The following PDZD2 variants were observed in gnomAD, a reference collection of about 807,000 sequenced individuals.
PDZD2 encodes the protein PDZ domain-containing protein 2.
Under a neutral mutation model 220.7 loss-of-function variants are expected in PDZD2, and 90 were observed. The ratio of observed to expected loss-of-function variants is 0.41; its 90% CI spans 0.34 to 0.49. The LOEUF (loss-of-function observed/expected upper bound fraction) is 0.49. Among genes scored for constraint, PDZD2 ranks in the 20% least tolerant of loss-of-function variants. PDZD2 has a pLI of 0.28. For synonymous variants in PDZD2, 1,375 were observed against 1,450.5 expected, an observed-to-expected ratio of 0.95 and a Z score of 1.18; for missense variants, 3,174 against 3,608.5, an observed-to-expected ratio of 0.88 and a Z score of 3.08.
At chr5:31,759,006 G>C (rs1041232054) in intron 1 of PDZD2, among the ~76,000 whole-genome samples, 10 of 151,942 alleles carry the variant, frequency 6.6e-5, no homozygotes, top group African/African-American at 2.4e-4. Context: ...ATTTCCAACA[G>C]GTCCTCACAC....
intron 19 of PDZD2, among the ~76,000 whole-genome samples, chr5:32,084,317 G>A (rs1280187509): frequency 6.6e-6 from 1 of 152,198 alleles, no homozygotes; most frequent in Non-Finnish European, 1.5e-5. Context: ...CAGCTTCCTG[G>A]GGCGACCGCT....
At chr5:32,072,058 G>C in intron 16 of PDZD2, 103 bp from the exon 17 acceptor site, 1 of 793,572 alleles carries the variant, frequency 1.3e-6, no homozygotes, top group East Asian at 2.5e-5. Flanking sequence ...TCAAGTGACC[G>C]TTGATTAGAA....
At chr5:31,723,572 G>A (rs1748929359) in intron 1 of PDZD2, among the ~76,000 whole-genome samples, 1 of 152,044 alleles carries the variant, frequency 6.6e-6, no homozygotes, top group Non-Finnish European at 1.5e-5. Context: ...ATCACCTAGA[G>A]TGAGAGTGTT....
chr5:32,057,927 G>A lies in PDZD2; in HGVS notation c.2024G>A (p.Ser675Asn). Residue 675 changes from serine (S) to asparagine (N), a missense_variant, in exon 12 of 25, where the codon AGC (serine) becomes AAC (asparagine). Coordinates refer to ENST00000438447, the MANE Select transcript of PDZD2 (RefSeq NM_178140.4). The stretch of plus-strand genomic sequence containing the variant: ...TTAACGGTACGCACAAAGTTGGTGA[G>A]CCCCAGCCTCACACCCTGCTCGACA... Reference protein sequence around the residue: ...FVLTVRTKLVSPSLTPCSTPT... With the variant: ...FVLTVRTKLVNPSLTPCSTPT... The A allele has an allele frequency of 6.2e-7, 1 of 1,613,764 alleles. No individual in the cohort carries two copies. The highest frequency in any genetic ancestry group is 8.5e-7 in the Non-Finnish European group (1 of 1,179,912).
At chr5:31,724,130 C>A (rs1748969332) in intron 1 of PDZD2, among the ~76,000 whole-genome samples, 1 of 152,216 alleles carries the variant, frequency 6.6e-6, no homozygotes, top group Admixed American at 6.5e-5. Flanking sequence ...TTATGGTCAA[C>A]AATACTCCTT....
intron 1 of PDZD2, among the ~76,000 whole-genome samples, chr5:31,796,906 G>T (rs9292442): frequency 0.62 from 93,305 of 150,718 alleles, 29,932 homozygotes; most frequent in African/African-American, 0.8. Context: ...TATTTACGGG[G>T]TTTTTTTTGT....
At chr5:31,803,241 G>C (rs1009158709) in intron 2 of PDZD2, among the ~76,000 whole-genome samples, 1 of 148,570 alleles carries the variant, frequency 6.7e-6, no homozygotes, top group African/African-American at 2.5e-5. Context: ...GTGTCTGCAG[G>C]TGTGCACCAC....
At position 32,090,360 on chromosome 5, in the gene PDZD2, G is replaced by C; in HGVS notation, c.6912G>C (p.Thr2304=). 1 of 1,614,092 alleles carries C rather than the reference G, an allele frequency of 6.2e-7. No homozygotes were observed. Among genetic ancestry groups the C allele is most frequent in the South Asian group, 1.1e-5 (1 of 91,056 alleles). Residue 2304 remains threonine, a synonymous_variant, in exon 20 of 25, where the codon ACG becomes ACC. Transcript: ENST00000438447. The surrounding 1 kb of genome is among the most constrained non-coding windows in gnomAD (Gnocchi z 4.3). ...DEGDIISVQE[T]SCLVTDKIKV... is the part of the protein sequence containing the mutation. ...GGGATATCATTTCAGTCCAGGAGAC[G>C]AGCTGCCTAGTCACAGACAAAATCA... is the stretch of plus-strand genomic sequence containing the variant.
chr5:32,098,704 G>A lies in PDZD2; in HGVS notation c.8218+70G>A. On this transcript the variant is annotated intron_variant, in intron 23 of 24. Coordinates refer to ENST00000438447, the MANE Select transcript of PDZD2 (RefSeq NM_178140.4). This position sits in a 1 kb window ranked among gnomAD's most constrained non-coding sequence, Gnocchi z 4.1. ...GAAAGAGGAGATTCTGGTTGAACAT[G>A]AAGGAAAATAACAGCTAACTAACTT... is the stretch of plus-strand genomic sequence containing the variant. 1.4e-6 allele frequency: 2 copies of A among 1,414,784 alleles called. No individual in the cohort carries two copies. Among genetic ancestry groups the A allele is most frequent in the Non-Finnish European group, 1.9e-6 (2 of 1,041,406 alleles). The allele number at this position is 1,414,784 out of a possible 1,614,324, so 87.6% of individuals were successfully genotyped here. A position where few individuals can be genotyped will look rare whatever the true frequency, so the allele number is the denominator to read the frequency against.
rs148130010 is a variant in PDZD2, at chr5:31,769,710, G to C, written c.-360-29179G>C. On this transcript the variant is annotated intron_variant, in intron 1 of 24. Transcript: ENST00000438447. ...ATGCAGAATTTGGAAGTGCCTGAGT[G>C]GGTTTTGGAGGGTGGCAGGGTTCCA... 3.3e-5 allele frequency among the ~76,000 whole-genome samples: 5 copies of C among 152,352 alleles called. No homozygotes were observed. The East Asian group carries it at 9.6e-4, about 29-fold the overall frequency.
chr5:31,691,282 G>A (rs1346182683), intron 1 of PDZD2, among the ~76,000 whole-genome samples: 2 of 151,898 alleles, frequency 1.3e-5, no homozygotes, highest in Admixed American at 6.6e-5. Context: ...TCGTGGTCTC[G>A]CTGGCTTCAG....
At chr5:32,003,747 T>G (rs146198119) in intron 5 of PDZD2, among the ~76,000 whole-genome samples, 3 of 152,200 alleles carry the variant, frequency 2.0e-5, no homozygotes, top group African/African-American at 7.2e-5. Context: ...GTCTCACTCC[T>G]GTCACCCAGG....
intron 2 of PDZD2, among the ~76,000 whole-genome samples, chr5:31,965,814 A>G (rs1234260604): frequency 2.6e-5 from 4 of 152,110 alleles, no homozygotes; most frequent in Non-Finnish European, 5.9e-5. Flanking sequence ...CAGGAGAATC[A>G]CTTGAACCCA....
Position 32,059,763 on chromosome 5 carries a change from G to C in PDZD2, c.2318+407G>C, listed in dbSNP as rs546045597. Among the ~76,000 whole-genome samples the C allele has an allele frequency of 3.3e-5, 5 of 152,294 alleles. 1 individual carries two copies. The South Asian group carries it at 1.0e-3, about 32-fold the overall frequency. The stretch of plus-strand genomic sequence containing the variant: ...CTTGATGCCAAACAGTCCTGAAATT[G>C]TGCCCTTGAATAGGAGGCATTTCTT... On this transcript the variant is annotated intron_variant, in intron 13 of 24. Coordinates refer to ENST00000438447, the MANE Select transcript of PDZD2 (RefSeq NM_178140.4).
At chr5:32,091,528 CT>C in intron 20 of PDZD2, among the ~76,000 whole-genome samples, 1 of 152,218 alleles carries the variant, frequency 6.6e-6, no homozygotes, top group South Asian at 2.1e-4. Flanking sequence ...TGTGATCCGC[CT>C]GCCTCGGCCT....
intron 2 of PDZD2, chr5:31,822,609 C>T: frequency 1.6e-6 from 2 of 1,268,854 alleles, no homozygotes; most frequent in Admixed American, 1.8e-5. Flanking sequence ...TAGATACCAT[C>T]CAAAAATTTC....
rs574473721 is a variant in PDZD2 at position 31,697,188 on chromosome 5, C to T, written c.-361+57751C>T. ...GAAAATAGGAAAGAACACAGCTGAG[C>T]GTGGCGGCTCACACCTGTAATCCCA... is the stretch of plus-strand genomic sequence containing the variant. On this transcript the variant is annotated intron_variant, in intron 1 of 24. Transcript: ENST00000438447. Among the ~76,000 whole-genome samples the T allele has an allele frequency of 4.5e-3, 687 of 152,274 alleles. 4 individuals carry two copies. The highest frequency in any genetic ancestry group is 0.015 in the African/African-American group (631 of 41,558).
At chr5:31,975,821 T>TTTA (rs1392254387) in intron 2 of PDZD2, among the ~76,000 whole-genome samples, 1 of 129,210 alleles carries the variant, frequency 7.7e-6, no homozygotes, top group African/African-American at 3.0e-5. Flanking sequence ...TTTTTTTTTT[T>TTTA]GAGACAAGGT....
chr5:32,034,412 G>A (rs1049515356), intron 6 of PDZD2, among the ~76,000 whole-genome samples: 2 of 148,532 alleles, frequency 1.3e-5, no homozygotes, highest in Non-Finnish European at 3.0e-5. Flanking sequence ...AGGCTGGAGT[G>A]CAGTGGCGCA....
Sources: allele counts gnomAD v4.1 joint callset (sites outside exome capture counted in the v4.1 genomes callset), GRCh38; gene constraint gnomAD v4.1.1; non-coding constraint Gnocchi (gnomAD v3.1); transcripts MANE v1.5; gene names NCBI Gene and HGNC (gene_info 2026-07-23, HGNC 2026-07-21).